Variants in KCNQ5 observed in about 807,000 individuals in gnomAD.
KCNQ5 encodes the protein potassium voltage-gated channel subfamily KQT member 5.
A neutral mutation model predicts 98.2 loss-of-function variants in KCNQ5; 30 were observed. That is an observed-to-expected ratio of 0.31 (90% CI 0.23 to 0.41). The LOEUF is 0.41. Ranked by LOEUF, KCNQ5 falls within the 10% of genes least tolerant of loss-of-function variation. The pLI is 1.00. For missense variants in KCNQ5, 835 were observed against 1,182.5 expected, an observed-to-expected ratio of 0.71 and a Z score of 4.31; for synonymous variants, 458 against 449.4, an observed-to-expected ratio of 1.02 and a Z score of -0.24.
At chr6:72,977,510 T>G (rs1485717299) in intron 1 of KCNQ5, among the ~76,000 whole-genome samples, 1 of 152,122 alleles carries the variant, frequency 6.6e-6, no homozygotes, top group Non-Finnish European at 1.5e-5. Context: ...CCATAAGTTT[T>G]AAAACAAGGA....
chr6:72,623,121 C>A (rs774396043), intron 1 of KCNQ5, among the ~76,000 whole-genome samples: 1 of 152,028 alleles, frequency 6.6e-6, no homozygotes, highest in African/African-American at 2.4e-5. Context: ...TAAGCGCGCC[C>A]GGAAACACGC....
chr6:73,169,747 T>C lies in KCNQ5; in HGVS notation c.1470T>C (p.Ala490=). The C allele has an allele frequency of 6.2e-7, 1 of 1,609,206 alleles. No individual in the cohort carries two copies. Among genetic ancestry groups the C allele is most frequent in the Non-Finnish European group, 8.5e-7 (1 of 1,175,744 alleles). ...TTAACTGGCAATATTCTCTTGCAGC[T>C]GACACAGCCCTTGGCACTGATGATG... ...KSSQPKPVID[A]DTALGTDDVY... is the part of the protein sequence containing the mutation. Residue 490 remains alanine, a splice_region_variant and synonymous_variant, in exon 11 of 14, where the codon GCT becomes GCC. Coordinates refer to ENST00000370398, the MANE Select transcript of KCNQ5 (RefSeq NM_019842.4).
intron 5 of KCNQ5, among the ~76,000 whole-genome samples, chr6:73,098,097 AG>A (rs1774595845): frequency 6.6e-6 from 1 of 152,138 alleles, no homozygotes; most frequent in Admixed American, 6.6e-5. Flanking sequence ...AAAAGAATCA[AG>A]CAGAAAATCT....
At chr6:72,818,019 A>G (rs1775578877) in intron 1 of KCNQ5, among the ~76,000 whole-genome samples, 1 of 152,176 alleles carries the variant, frequency 6.6e-6, no homozygotes, top group Admixed American at 6.5e-5. Context: ...CCTTCCATAA[A>G]TCAGTAGGAT....
intron 1 of KCNQ5, among the ~76,000 whole-genome samples, chr6:72,653,513 C>T (rs1244721227): frequency 6.6e-6 from 1 of 151,904 alleles, no homozygotes; most frequent in Non-Finnish European, 1.5e-5. Context: ...TTACCAATGA[C>T]ATTATTGTAT....
chr6:72,699,445 T>C (rs1768683434), intron 1 of KCNQ5, among the ~76,000 whole-genome samples: 2 of 152,200 alleles, frequency 1.3e-5, no homozygotes, highest in Non-Finnish European at 2.9e-5. Flanking sequence ...ATCAGCTGAG[T>C]AAGACCTCTC....
chr6:72,993,971 C>A (rs1225480063), intron 1 of KCNQ5, among the ~76,000 whole-genome samples: 25 of 90,176 alleles, frequency 2.8e-4, no homozygotes, highest in African/African-American at 1.3e-3. Flanking sequence ...TTAGGCTGCT[C>A]GGGGGTCAGG....
At position 73,085,926 on chromosome 6, in the gene KCNQ5, A is replaced by G. The variant is rs1773972125; in HGVS notation, c.918+8039A>G. On this transcript the variant is annotated intron_variant, in intron 5 of 13. Coordinates refer to ENST00000370398, the MANE Select transcript of KCNQ5 (RefSeq NM_019842.4). ...GACCAAACCATGAAAGTTCTTCTTC[A>G]GTCTATTATTATTAATAAACCGATG... Among the ~76,000 whole-genome samples, 2 of 152,234 alleles carry G rather than the reference A, an allele frequency of 1.3e-5. 1 individual carries two copies. The highest frequency in any genetic ancestry group is 2.9e-5 in the Non-Finnish European group (2 of 68,044).
chr6:73,197,622 CACACACACACA>C lies in KCNQ5; in HGVS notation c.*2209_*2219del, dbSNP rs1562232039. 7.2e-5 allele frequency: 10 copies of C among 138,490 alleles called. No individual in the cohort carries two copies. Among genetic ancestry groups the C allele is most frequent in the African/African-American group, 2.0e-4 (8 of 39,268 alleles). 8.6% of individuals were successfully genotyped at this position (138,490 alleles called of 1,614,324 possible). ...ACACACACACACACACACACACACA[CACACACACACA>C]CACACACACCCCTCCACTGACCTAA... On this transcript the variant is annotated 3_prime_UTR_variant, in exon 14 of 14. Transcript: ENST00000370398.
At chr6:73,180,212 C>T (rs186334909) in intron 11 of KCNQ5, among the ~76,000 whole-genome samples, 2 of 152,312 alleles carry the variant, frequency 1.3e-5, no homozygotes, top group Admixed American at 1.3e-4. Flanking sequence ...TCATTGTCAT[C>T]ACGTAGGAGG....
chr6:72,938,435 A>G (rs1766050496), intron 1 of KCNQ5, among the ~76,000 whole-genome samples: 1 of 152,152 alleles, frequency 6.6e-6, no homozygotes, highest in African/African-American at 2.4e-5. Context: ...ACTGGAGTGC[A>G]GTGGCATGAT....
intron 10 of KCNQ5, among the ~76,000 whole-genome samples, chr6:73,162,013 T>G (rs993572364): frequency 2.2e-4 from 34 of 152,194 alleles, no homozygotes; most frequent in African/African-American, 7.2e-4. Context: ...TTCTCCCACG[T>G]TCAAGCAATT....
At chr6:72,896,360 T>A (rs1779254011) in intron 1 of KCNQ5, among the ~76,000 whole-genome samples, 1 of 152,154 alleles carries the variant, frequency 6.6e-6, no homozygotes, top group African/African-American at 2.4e-5. Context: ...TAGTAAATTG[T>A]ATTAATGATC....
chr6:72,747,347 C>G (rs1330829825), intron 1 of KCNQ5, among the ~76,000 whole-genome samples: 1 of 152,056 alleles, frequency 6.6e-6, no homozygotes, highest in East Asian at 1.9e-4. Flanking sequence ...ATAACTATTT[C>G]TATATACTCA....
rs191496047 is a variant in KCNQ5 at position 72,630,050 on chromosome 6, C to T, written c.398+7463C>T. On this transcript the variant is annotated intron_variant, in intron 1 of 13. Transcript: ENST00000370398. ...ATTTGTGTATTGTGCATATATATTT[C>T]ATACTCATACAAATACACATGCAAC... Among the ~76,000 whole-genome samples, 89 of 152,254 alleles carry T rather than the reference C, an allele frequency of 5.8e-4. 1 individual carries two copies. In the East Asian group the frequency reaches 0.016, roughly 28 times the overall value.
intron 1 of KCNQ5, among the ~76,000 whole-genome samples, chr6:72,899,396 A>C (rs1779386822): frequency 6.6e-6 from 1 of 152,028 alleles, no homozygotes; most frequent in Non-Finnish European, 1.5e-5. Flanking sequence ...TCCTTCTCTC[A>C]GATCGTTTAC....
chr6:72,829,826 G>T (rs1235098330), intron 1 of KCNQ5, among the ~76,000 whole-genome samples: 1 of 152,166 alleles, frequency 6.6e-6, no homozygotes, highest in African/African-American at 2.4e-5. Flanking sequence ...TTCTAAGAGA[G>T]TAGTGGGAAA....
chr6:73,082,958 A>G (rs1326430829), intron 5 of KCNQ5, among the ~76,000 whole-genome samples: 5 of 135,846 alleles, frequency 3.7e-5, no homozygotes, highest in Non-Finnish European at 6.1e-5. Context: ...TGGTGCATTT[A>G]TAGCTCGCTG....
chr6:72,691,468 T>G (rs1164422340), intron 1 of KCNQ5, among the ~76,000 whole-genome samples: 3 of 152,200 alleles, frequency 2.0e-5, no homozygotes, highest in Non-Finnish European at 4.4e-5. Flanking sequence ...AAGGTTTCCC[T>G]TGAAGTAGTG....
Sources: gnomAD v4.1 joint callset for allele counts (sites outside exome capture counted in the v4.1 genomes callset) on GRCh38, gnomAD v4.1.1 for gene constraint, MANE v1.5 for transcripts, NCBI Gene and HGNC (gene_info 2026-07-23, HGNC 2026-07-21) for gene names.